SDK1: variants seen among roughly 807,000 people sequenced by gnomAD.
SDK1 encodes the protein protein sidekick-1.
SDK1 carries 157 observed loss-of-function variants against 245.5 expected under a neutral mutation model. The ratio of observed to expected loss-of-function variants is 0.64; its 90% CI spans 0.56 to 0.73. SDK1 has a LOEUF of 0.73. Ranked by LOEUF, SDK1 falls within the 30% of genes least tolerant of loss-of-function variation. The pLI, the probability that SDK1 is intolerant of heterozygous loss-of-function variation, is 0.00. For synonymous variants in SDK1, 1,647 were observed against 1,278.5 expected, an observed-to-expected ratio of 1.29 and a Z score of -6.15; for missense variants, 3,583 against 3,002.3, an observed-to-expected ratio of 1.19 and a Z score of -4.52.
chr7:4,157,464 G>GC (rs1780826281), intron 30 of SDK1, among the ~76,000 whole-genome samples: 2 of 44,642 alleles, frequency 4.5e-5, no homozygotes, highest in Admixed American at 2.2e-4. Flanking sequence ...GTGGAAGGGA[G>GC]AGAAGGAAGG....
At chr7:3,570,956 T>C (rs1780096024) in intron 1 of SDK1, among the ~76,000 whole-genome samples, 1 of 152,096 alleles carries the variant, frequency 6.6e-6, no homozygotes, top group Non-Finnish European at 1.5e-5. Context: ...TCTGTCAGAA[T>C]ATGAACTGAG....
In SDK1 at chr7:4,010,952, C is replaced by A; in HGVS notation, c.2132-14C>A. 3 of 1,613,922 alleles carry A rather than the reference C, an allele frequency of 1.9e-6. No homozygotes were observed. The highest frequency in any genetic ancestry group is 1.6e-4 in the Middle Eastern group (1 of 6,062). ...AAGCCTGTGGGCTTGAATTCGTTTT[C>A]TTCATTCTTTCAGACTCTCCATGGA... On this transcript the variant is annotated splice_polypyrimidine_tract_variant and intron_variant, in intron 14 of 44. Coordinates refer to ENST00000404826, the MANE Select transcript of SDK1 (RefSeq NM_152744.4).
At position 3,301,718 on chromosome 7, in the gene SDK1, C is replaced by G. The variant is rs1427926943; in HGVS notation, c.132C>G (p.Pro44=). The G allele has an allele frequency of 3.1e-6, 3 of 976,618 alleles. No homozygotes were observed. The highest frequency in any genetic ancestry group is 3.6e-6 in the Non-Finnish European group (3 of 825,778). 60.5% of individuals were successfully genotyped at this position (976,618 alleles called of 1,614,324 possible). A position where few individuals can be genotyped will look rare whatever the true frequency, so the allele number is the denominator to read the frequency against. Residue 44 remains proline, a synonymous_variant, in exon 1 of 45, where the codon CCC becomes CCG. Transcript: ENST00000404826. ...GRARPSLAPR[P]GPEPSRPRAA... ...CCCGCCCCTCGCTGGCGCCGCGCCC[C>G]GGCCCGGAGCCCTCGCGACCCCGGG...
intron 4 of SDK1, among the ~76,000 whole-genome samples, chr7:3,654,796 G>C (rs769030752): frequency 1.3e-5 from 2 of 152,142 alleles, no homozygotes; most frequent in Non-Finnish European, 2.9e-5. Flanking sequence ...TAAATGACAG[G>C]AGTTTAATAT....
At chr7:4,042,650 G>A (rs1562716388) in intron 17 of SDK1, among the ~76,000 whole-genome samples, 1 of 91,802 alleles carries the variant, frequency 1.1e-5, no homozygotes, top group Non-Finnish European at 2.0e-5. Context: ...GTCCCTTGAG[G>A]CTTAGTCTGA....
intron 1 of SDK1, among the ~76,000 whole-genome samples, chr7:3,590,736 C>T (rs1379498751): frequency 6.6e-6 from 1 of 151,392 alleles, no homozygotes; most frequent in South Asian, 2.1e-4. Context: ...CACTGCTGGA[C>T]CTTTAGATTT....
chr7:4,181,969 G>C (rs1173103911), intron 35 of SDK1, among the ~76,000 whole-genome samples: 1 of 152,096 alleles, frequency 6.6e-6, no homozygotes, highest in Non-Finnish European at 1.5e-5. Context: ...ACCCAGGCTG[G>C]AGTGCAATGG....
intron 4 of SDK1, among the ~76,000 whole-genome samples, chr7:3,714,527 T>G (rs886503845): frequency 6.6e-6 from 1 of 152,218 alleles, no homozygotes; most frequent in Non-Finnish European, 1.5e-5. Flanking sequence ...GTCCTTTAAG[T>G]GCTTTGCATT....
intron 4 of SDK1, among the ~76,000 whole-genome samples, chr7:3,796,424 C>T (rs1209913931): frequency 1.3e-5 from 2 of 152,182 alleles, no homozygotes; most frequent in African/African-American, 2.4e-5. Context: ...GCTGTTGCTT[C>T]CCTTTGCTGG....
chr7:3,753,774 A>G (rs536270894), intron 4 of SDK1, among the ~76,000 whole-genome samples: 1 of 152,306 alleles, frequency 6.6e-6, no homozygotes, highest in East Asian at 1.9e-4. Flanking sequence ...AATATGGCTG[A>G]GTATGTACAG....
At chr7:3,660,653 A>T (rs566214894) in intron 4 of SDK1, among the ~76,000 whole-genome samples, 1 of 152,226 alleles carries the variant, frequency 6.6e-6, no homozygotes, top group Admixed American at 6.5e-5. Context: ...TGTGTTGTGG[A>T]CAGATGAGAA....
chr7:3,392,149 A>G (rs2128570551), intron 1 of SDK1, among the ~76,000 whole-genome samples: 1 of 152,192 alleles, frequency 6.6e-6, no homozygotes, highest in South Asian at 2.1e-4. Flanking sequence ...CAGTAACTGA[A>G]CGCTTAAAAC....
At chr7:3,970,419 G>T (rs892284169) in intron 11 of SDK1, among the ~76,000 whole-genome samples, 4 of 152,184 alleles carry the variant, frequency 2.6e-5, no homozygotes, top group Admixed American at 6.5e-5. Flanking sequence ...AGCAGCTTTT[G>T]TTCCATTTGG....
intron 42 of SDK1, among the ~76,000 whole-genome samples, chr7:4,238,635 A>G (rs2079399): frequency 0.64 from 96,660 of 150,434 alleles, 32,815 homozygotes; most frequent in African/African-American, 0.88. Flanking sequence ...TGCAACCTCC[A>G]CCTCCTGGGT....
chr7:4,022,422 C>T (rs1340506939), intron 17 of SDK1, among the ~76,000 whole-genome samples: 1 of 152,096 alleles, frequency 6.6e-6, no homozygotes, highest in Non-Finnish European at 1.5e-5. Flanking sequence ...AGAAAGTATC[C>T]GAATGCCCGG....
chr7:3,824,665 A>G (rs1583452467), intron 5 of SDK1, among the ~76,000 whole-genome samples: 1 of 152,218 alleles, frequency 6.6e-6, no homozygotes, highest in African/African-American at 2.4e-5. Context: ...ATACATTTTC[A>G]TCAACAACCT....
intron 19 of SDK1, 67 bp from the exon 20 acceptor site, chr7:4,067,771 C>A: frequency 8.4e-7 from 1 of 1,190,160 alleles, no homozygotes; most frequent in Non-Finnish European, 1.2e-6. Flanking sequence ...AGAACCTTCC[C>A]CACACATCTG....
At chr7:3,653,272 C>T (rs190055402) in intron 4 of SDK1, among the ~76,000 whole-genome samples, 81 of 152,296 alleles carry the variant, frequency 5.3e-4, no homozygotes, top group Non-Finnish European at 1.1e-3. Flanking sequence ...TCTGTGCTTT[C>T]CCCTTCCCTC....
At chr7:3,702,381 C>A (rs1282520357) in intron 4 of SDK1, among the ~76,000 whole-genome samples, 2 of 152,116 alleles carry the variant, frequency 1.3e-5, no homozygotes, top group African/African-American at 2.4e-5. Context: ...GCAACTGTGT[C>A]TTTTTCAACT....
Sources: allele counts gnomAD v4.1 joint callset (sites outside exome capture counted in the v4.1 genomes callset), GRCh38; gene constraint gnomAD v4.1.1; transcripts MANE v1.5; gene names NCBI Gene and HGNC (gene_info 2026-07-23, HGNC 2026-07-21).